The following PNPLA6 variants were observed in gnomAD, a reference collection of about 807,000 sequenced individuals.
The protein encoded by PNPLA6 is patatin-like phospholipase domain-containing protein 6.
PNPLA6 carries 105 observed loss-of-function variants against 153.7 expected under a neutral mutation model. That is an observed-to-expected ratio of 0.68 (90% CI 0.58 to 0.80). PNPLA6 has a LOEUF of 0.80. Ranked by LOEUF, PNPLA6 falls within the 30% of genes least tolerant of loss-of-function variation. The pLI is 0.00. For synonymous variants in PNPLA6, 825 were observed against 822.2 expected (o/e 1.00, Z -0.06); for missense variants, 1,423 against 1,919.3 (o/e 0.74, Z 4.83).
rs1240081108 is a variant in PNPLA6, at chr19:7,540,298, T to C, written c.704T>C (p.Leu235Pro). 2 of 1,604,898 alleles carry C rather than the reference T, an allele frequency of 1.2e-6. No individual in the cohort carries two copies. Among genetic ancestry groups the C allele is most frequent in the Non-Finnish European group, 1.7e-6 (2 of 1,178,092 alleles). ...VVQDGLLELC[L>P]PGPDGKECVV... ...CAGGACGGGCTGCTGGAGCTCTGTC[T>C]GCCAGGGCCTGTGAGTGGGCCTCCC... The change falls in exon 5 of 32, where the codon CTG becomes CCG. Residue 235 changes from leucine (L) to proline (P), a missense_variant. Leu to Pro is a moderately conservative substitution (Grantham distance 98). Transcript: ENST00000600737. This position sits in a 1 kb window ranked among gnomAD's most constrained non-coding sequence, Gnocchi z 6.8.
At chr19:7,558,507 C>T (rs1164224038) in intron 27 of PNPLA6, among the ~76,000 whole-genome samples, 2 of 152,170 alleles carry the variant, frequency 1.3e-5, no homozygotes, top group Non-Finnish European at 2.9e-5. Flanking sequence ...TGGTGTATGC[C>T]TCTAATCCCA....
At chr19:7,548,747 A>G (rs2146081973) in intron 13 of PNPLA6, among the ~76,000 whole-genome samples, 1 of 150,824 alleles carries the variant, frequency 6.6e-6, no homozygotes, top group East Asian at 1.9e-4. Context: ...ACACATATAT[A>G]TATAGAGAGA....
At chr19:7,549,725 G>A (rs1438563557) in intron 13 of PNPLA6, 182 bp from the exon 14 acceptor site, 1 of 648,124 alleles carries the variant, frequency 1.5e-6, no homozygotes, top group Non-Finnish European at 2.8e-6. Flanking sequence ...GGCCTCAAGT[G>A]ATCCCCCCTG....
chr19:7,544,523 C>A (rs542080992), intron 13 of PNPLA6, among the ~76,000 whole-genome samples: 1 of 152,278 alleles, frequency 6.6e-6, no homozygotes, highest in African/African-American at 2.4e-5. Context: ...ACCATACAGT[C>A]CATTATCCAC....
Position 7,550,293 on chromosome 19 carries a change from T to C in PNPLA6, c.1815-5T>C. 1 of 1,612,934 alleles carries C rather than the reference T, an allele frequency of 6.2e-7. No individual in the cohort carries two copies. Among genetic ancestry groups the C allele is most frequent in the African/African-American group, 1.3e-5 (1 of 75,080 alleles). The stretch of plus-strand genomic sequence containing the variant: ...TCCTCTTTCATCCCAAGTCTGTTCC[T>C]GCAGGATCATGCGCGCACAGCCCAG... On this transcript the variant is annotated splice_region_variant and splice_polypyrimidine_tract_variant and intron_variant, in intron 14 of 31. Transcript: ENST00000600737.
chr19:7,540,799 T>G lies in PNPLA6; in HGVS notation c.795+89T>G. On this transcript the variant is annotated intron_variant, in intron 6 of 31. Coordinates refer to ENST00000600737, the MANE Select transcript of PNPLA6 (RefSeq NM_001166114.2). This position sits in a 1 kb window ranked among gnomAD's most constrained non-coding sequence, Gnocchi z 6.8. ...GAAGGAAATCACAGGGTCCCCAATC[T>G]CTGGTTCATCCGTTATGCTGCCGAT... is the stretch of plus-strand genomic sequence containing the variant. 1 of 1,553,590 alleles carries G rather than the reference T, an allele frequency of 6.4e-7. No homozygotes were observed. The highest frequency in any genetic ancestry group is 8.9e-7 in the Non-Finnish European group (1 of 1,125,156).
At position 7,560,858 on chromosome 19, in the gene PNPLA6, A is replaced by C. The variant is rs140114481; in HGVS notation, c.3816+94A>C. 2,113 of 915,786 alleles carry C rather than the reference A, an allele frequency of 2.3e-3. 29 individuals carry two copies. The East Asian group carries it at 0.046, about 20-fold the overall frequency. The allele number at this position is 915,786 out of a possible 1,614,324, so 56.7% of individuals were successfully genotyped here. On this transcript the variant is annotated intron_variant, in intron 29 of 31. Transcript: ENST00000600737. ...TCCCCGAAACCTCAGATGACCCCACATGTCCCTGGGTTTTGCTGAGCTCTC... is the reference window on the plus strand; with the variant it reads ...TCCCCGAAACCTCAGATGACCCCACCTGTCCCTGGGTTTTGCTGAGCTCTC...
chr19:7,553,347 G>A (rs957022596), intron 18 of PNPLA6, among the ~76,000 whole-genome samples: 4 of 152,202 alleles, frequency 2.6e-5, no homozygotes, highest in African/African-American at 7.2e-5. Flanking sequence ...TGCCTCCCAG[G>A]TTCAAGTGAT....
Position 7,557,224 on chromosome 19 carries a change from C to A in PNPLA6, c.3337C>A (p.Leu1113Met), listed in dbSNP as rs1210970179. Reference protein sequence around the residue: ...SMTLSGYLPPLCDPKDGHLLM... With the variant: ...SMTLSGYLPPMCDPKDGHLLM... Reference sequence around the variant, plus strand: ...GACGCTGTCGGGCTACCTGCCCCCGCTGTGCGACCCCAAGGACGGGCACCT... The same window carrying A: ...GACGCTGTCGGGCTACCTGCCCCCGATGTGCGACCCCAAGGACGGGCACCT... Residue 1113 changes from leucine to methionine, a missense_variant, in exon 27 of 32, where the codon CTG becomes ATG. By Grantham distance (15) the Leu-to-Met change is conservative. This residue lies in a region of PNPLA6 where 643 missense variants were observed against 835.2 expected (regional missense o/e 0.77). Coordinates refer to ENST00000600737, the MANE Select transcript of PNPLA6 (RefSeq NM_001166114.2). The A allele has an allele frequency of 1.9e-6, 3 of 1,613,608 alleles. No individual in the cohort carries two copies. Among genetic ancestry groups the A allele is most frequent in the Non-Finnish European group, 2.5e-6 (3 of 1,179,888 alleles).
Position 7,540,211 on chromosome 19 carries a change from G to T in PNPLA6, c.617G>T (p.Arg206Leu). 1 of 1,610,324 alleles carries T rather than the reference G, an allele frequency of 6.2e-7. No homozygotes were observed. The highest frequency in any genetic ancestry group is 8.5e-7 in the Non-Finnish European group (1 of 1,179,982). The change falls in exon 5 of 32, where the codon CGG becomes CTG. Residue 206 changes from arginine (R) to leucine (L), a missense_variant. Physicochemically the swap from Arg to Leu is moderately radical, Grantham distance 102. Around this residue, in one of 10 missense-constraint regions of PNPLA6, gnomAD observed 118 missense variants for 158.8 expected, o/e 0.74. Transcript: ENST00000600737. This position sits in a 1 kb window ranked among gnomAD's most constrained non-coding sequence, Gnocchi z 6.8. ...LELCRHMVFQ[R>L]LGQGDYVFRP... is the part of the protein sequence containing the mutation. ...CTCTGCCGCCACATGGTCTTCCAGCGGCTGGGCCAGGGTGACTACGTCTTC... is the reference window on the plus strand; with the variant it reads ...CTCTGCCGCCACATGGTCTTCCAGCTGCTGGGCCAGGGTGACTACGTCTTC...
rs747540497 is a variant in PNPLA6 at position 7,541,993 on chromosome 19, T to A, written c.1178T>A (p.Val393Glu). 1.9e-6 allele frequency: 3 copies of A among 1,608,290 alleles called. No individual in the cohort carries two copies. The highest frequency in any genetic ancestry group is 2.5e-6 in the Non-Finnish European group (3 of 1,179,702). ...CATGTGTCTCCCCCAGGGGACCCTG[T>A]GAAGCCCACATCCCTGGAAACCCCC... ...APLPGPTGDP[V>E]KPTSLETPSA... Residue 393 changes from valine to glutamate, a missense_variant, in exon 10 of 32, where the codon GTG becomes GAG. Physicochemically the swap from Val to Glu is moderately radical, Grantham distance 121 (BLOSUM62 -2). This residue lies in a region of PNPLA6 where 267 missense variants were observed against 255.1 expected (regional missense o/e 1.05). Transcript: ENST00000600737. The surrounding 1 kb of genome is among the most constrained non-coding windows in gnomAD (Gnocchi z 5.2).
chr19:7,535,311 C>A, upstream of PNPLA6: 1 of 609,722 alleles, frequency 1.6e-6, no homozygotes, highest in South Asian at 1.9e-5. This position sits in a 1 kb window ranked among gnomAD's most constrained non-coding sequence, Gnocchi z 5.0. Context: ...CGCCTCATCT[C>A]CTGGCCAGGG....
In PNPLA6 at chr19:7,557,290, T is replaced by G; in HGVS notation, c.3397+6T>G. 6.3e-7 allele frequency: 1 copy of G among 1,576,300 alleles called. No homozygotes were observed. The highest frequency in any genetic ancestry group is 8.7e-7 in the Non-Finnish European group (1 of 1,147,764). On this transcript the variant is annotated splice_donor_region_variant and intron_variant, in intron 27 of 31. Transcript: ENST00000600737. Reference sequence around the variant, plus strand: ...CTACATCAACAATCTGCCAGGCAAGTGGCCGCCCGCACCACCCGCACACGC... The same window carrying G: ...CTACATCAACAATCTGCCAGGCAAGGGGCCGCCCGCACCACCCGCACACGC...
chr19:7,561,391 G>A, intron 31 of PNPLA6, 74 bp downstream of exon 31: 1 of 1,433,774 alleles, frequency 7.0e-7, no homozygotes, highest in Non-Finnish European at 9.7e-7. Flanking sequence ...AGGGGAGCCG[G>A]GGGCGTATTT....
rs978572063 is a variant in PNPLA6 at position 7,555,153 on chromosome 19, A to G, written c.2817+78A>G. On this transcript the variant is annotated intron_variant, in intron 22 of 31. Coordinates refer to ENST00000600737, the MANE Select transcript of PNPLA6 (RefSeq NM_001166114.2). This position sits in a 1 kb window ranked among gnomAD's most constrained non-coding sequence, Gnocchi z 6.3. The stretch of plus-strand genomic sequence containing the variant: ...TTGGGAGACTGGGGCGGGGCCTGGG[A>G]GGGCTGAGGACAGGCTCGAAGGTCA... 9.5e-5 allele frequency: 144 copies of G among 1,517,350 alleles called. 1 individual carries two copies. In the South Asian group the frequency reaches 1.1e-3, roughly 11 times the overall value. The allele number at this position is 1,517,350 out of a possible 1,614,324, so 94.0% of individuals were successfully genotyped here. A position where few individuals can be genotyped will look rare whatever the true frequency, so the allele number is the denominator to read the frequency against.
intron 18 of PNPLA6, 96 bp from the exon 19 acceptor site, chr19:7,553,779 T>C: frequency 6.5e-7 from 1 of 1,530,578 alleles, no homozygotes; most frequent in Non-Finnish European, 9.0e-7. Flanking sequence ...GAGCAAGAAT[T>C]TCAGATAAGG....
At position 7,550,352 on chromosome 19, in the gene PNPLA6, C is replaced by A; in HGVS notation, c.1869C>A (p.Ala623=). 6.2e-7 allele frequency: 1 copy of A among 1,612,508 alleles called. No individual in the cohort carries two copies. Among genetic ancestry groups the A allele is most frequent in the Non-Finnish European group, 8.5e-7 (1 of 1,180,038 alleles). ...TGAGTGCGGCGCACACGGTGGCAGC[C>A]AGGATGTCGCCCTTCGTGCGCCAGA... The part of the protein sequence containing the change: ...VVLSAAHTVA[A]RMSPFVRQMD... The change falls in exon 15 of 32, where the codon GCC becomes GCA. Residue 623 remains alanine (A), a synonymous_variant. Transcript: ENST00000600737.
intron 27 of PNPLA6, among the ~76,000 whole-genome samples, chr19:7,557,805 A>C (rs1030821419): frequency 3.3e-5 from 5 of 149,942 alleles, no homozygotes; most frequent in African/African-American, 1.2e-4. Flanking sequence ...AAAAGAAAGA[A>C]AGAAATCTAC....
rs1247505739 is a variant in PNPLA6 at position 7,561,287 on chromosome 19, G to T, written c.3993G>T (p.Glu1331Asp). 6.2e-7 allele frequency: 1 copy of T among 1,608,544 alleles called. No individual in the cohort carries two copies. Among genetic ancestry groups the T allele is most frequent in the Admixed American group, 1.7e-5 (1 of 59,084 alleles). ...CGAGGGATGAAGGGGGGTCCCCCGAGGGCGCAAGCCCCAGCACTGCCTCCG... is the reference window on the plus strand; with the variant it reads ...CGAGGGATGAAGGGGGGTCCCCCGATGGCGCAAGCCCCAGCACTGCCTCCG... ...DCSRDEGGSPEGASPSTASEM... is the reference protein window; with the variant it reads ...DCSRDEGGSPDGASPSTASEM... The change falls in exon 31 of 32, where the codon GAG (glutamate) becomes GAT (aspartate). Residue 1331 changes from glutamate (E) to aspartate (D), a missense_variant. This residue lies in a region of PNPLA6 where 643 missense variants were observed against 835.2 expected (regional missense o/e 0.77). Coordinates refer to ENST00000600737, the MANE Select transcript of PNPLA6 (RefSeq NM_001166114.2).
Sources: allele counts gnomAD v4.1 joint callset (sites outside exome capture counted in the v4.1 genomes callset), GRCh38; gene constraint gnomAD v4.1.1; regional missense constraint gnomAD v4.1.1; non-coding constraint Gnocchi (gnomAD v3.1); transcripts MANE v1.5; gene names NCBI Gene and HGNC (gene_info 2026-07-23, HGNC 2026-07-21).